Variants in MAGI1 observed in about 807,000 individuals in gnomAD.
MAGI1 encodes the protein membrane associated guanylate kinase, WW and PDZ domain containing 1.
Under a neutral mutation model 139.9 loss-of-function variants are expected in MAGI1, and 58 were observed. The observed-to-expected ratio is 0.41, with a 90% CI of 0.34 to 0.52. The LOEUF is 0.52. Among genes scored for constraint, MAGI1 ranks in the 20% least tolerant of loss-of-function variants. MAGI1 has a pLI of 0.12. For synonymous variants in MAGI1, 812 were observed against 737.9 expected (o/e 1.10, Z -1.63); for missense variants, 1,874 against 1,901.6 (o/e 0.99, Z 0.27).
intron 1 of MAGI1, among the ~76,000 whole-genome samples, chr3:65,676,517 A>G (rs1444099484): frequency 2.0e-5 from 3 of 152,222 alleles, no homozygotes; most frequent in Non-Finnish European, 2.9e-5. Context: ...ATAAGGAAGA[A>G]AAACACTCCA....
rs1217821084 is a variant in MAGI1 at position 65,355,763 on chromosome 3, C to T, written c.*615G>A. On this transcript the variant is annotated 3_prime_UTR_variant, in exon 23 of 23. Transcript: ENST00000402939. The stretch of plus-strand genomic sequence containing the variant: ...ACCAACTATAACTCACAATATAAAA[C>T]TTCTTTGTGCTGCGCAGTTTAGCTA... The T allele has an allele frequency of 2.0e-5, 3 of 152,582 alleles. No homozygotes were observed. In the East Asian group the frequency reaches 5.8e-4, roughly 29 times the overall value. 9.5% of individuals were successfully genotyped at this position (152,582 alleles called of 1,614,324 possible). A position where few individuals can be genotyped will look rare whatever the true frequency, so the allele number is the denominator to read the frequency against.
chr3:65,365,162 C>T (rs1409523184), intron 18 of MAGI1: 1 of 731,554 alleles, frequency 1.4e-6, no homozygotes, highest in South Asian at 1.4e-5. Context: ...ACCCTCCTCC[C>T]AAACAGACAT....
At chr3:65,959,610 A>T (rs1047070863) in intron 1 of MAGI1, among the ~76,000 whole-genome samples, 4 of 133,914 alleles carry the variant, frequency 3.0e-5, no homozygotes, top group South Asian at 2.3e-4. Context: ...TTTTATTATT[A>T]TTATTATTAT....
intron 1 of MAGI1, among the ~76,000 whole-genome samples, chr3:65,897,138 ATATT>A (rs1272103662): frequency 2.0e-5 from 3 of 152,204 alleles, no homozygotes; most frequent in Non-Finnish European, 2.9e-5. Flanking sequence ...TATTTGTACT[ATATT>A]TAGTACATCA....
intron 1 of MAGI1, among the ~76,000 whole-genome samples, chr3:65,906,098 G>A (rs927740052): frequency 1.3e-5 from 2 of 152,162 alleles, no homozygotes; most frequent in African/African-American, 4.8e-5. Context: ...GCAGAAGTGT[G>A]TCATTCTTCT....
chr3:65,615,836 T>A (rs995582265), intron 2 of MAGI1, among the ~76,000 whole-genome samples: 3 of 152,182 alleles, frequency 2.0e-5, no homozygotes, highest in Non-Finnish European at 4.4e-5. Flanking sequence ...GAAACATAAA[T>A]CATAGCTCAC....
At chr3:65,719,628 C>T (rs186850618) in intron 1 of MAGI1, among the ~76,000 whole-genome samples, 350 of 151,940 alleles carry the variant, frequency 2.3e-3, no homozygotes, top group African/African-American at 8.1e-3. Flanking sequence ...TCACTGCAGC[C>T]TCAACCTCTC....
intron 2 of MAGI1, among the ~76,000 whole-genome samples, chr3:65,586,051 T>A (rs563624031): frequency 6.6e-6 from 1 of 152,072 alleles, no homozygotes; most frequent in East Asian, 1.9e-4. Flanking sequence ...GTACAAAAAA[T>A]TTAAAAAATT....
At chr3:65,820,168 A>G (rs1328682616) in intron 1 of MAGI1, among the ~76,000 whole-genome samples, 1 of 151,302 alleles carries the variant, frequency 6.6e-6, no homozygotes, top group African/African-American at 2.4e-5. Flanking sequence ...TCAAAGTGAG[A>G]AAAAAAAACT....
intron 1 of MAGI1, among the ~76,000 whole-genome samples, chr3:66,000,133 C>T (rs1273870701): frequency 2.6e-5 from 4 of 151,878 alleles, no homozygotes; most frequent in African/African-American, 7.3e-5. Flanking sequence ...CTACCATGCC[C>T]GGCTAATTTT....
At chr3:66,010,849 A>G (rs1390119500) in intron 1 of MAGI1, among the ~76,000 whole-genome samples, 2 of 152,224 alleles carry the variant, frequency 1.3e-5, no homozygotes, top group African/African-American at 4.8e-5. Context: ...CAGTGATAAA[A>G]GCATAGAGCA....
intron 2 of MAGI1, among the ~76,000 whole-genome samples, chr3:65,576,402 A>C (rs1418900409): frequency 6.6e-6 from 1 of 152,280 alleles, no homozygotes; most frequent in Non-Finnish European, 1.5e-5. Flanking sequence ...GACAATGCTA[A>C]TCAATCCCCG....
intron 2 of MAGI1, among the ~76,000 whole-genome samples, chr3:65,495,825 G>C (rs183840626): frequency 2.0e-5 from 3 of 152,198 alleles, no homozygotes; most frequent in African/African-American, 7.2e-5. Context: ...CAGGCAGAGG[G>C]AAGGGAAAAG....
At chr3:65,461,921 T>C (rs1373041714) in intron 5 of MAGI1, among the ~76,000 whole-genome samples, 1 of 152,224 alleles carries the variant, frequency 6.6e-6, no homozygotes, top group African/African-American at 2.4e-5. Flanking sequence ...CATAAATGTC[T>C]TCTTTTGAAA....
At chr3:65,433,853 G>A (rs1376648842) in intron 10 of MAGI1, among the ~76,000 whole-genome samples, 2 of 152,086 alleles carry the variant, frequency 1.3e-5, no homozygotes, top group African/African-American at 2.4e-5. Flanking sequence ...GACCAGTACC[G>A]TCTAATGGCA....
intron 1 of MAGI1, among the ~76,000 whole-genome samples, chr3:65,922,186 C>CA (rs1427231802): frequency 3.9e-5 from 6 of 152,020 alleles, no homozygotes; most frequent in Admixed American, 2.6e-4. Context: ...AGGTCACACA[C>CA]AAAAATACAG....
chr3:65,945,482 T>C (rs2063505667), intron 1 of MAGI1, among the ~76,000 whole-genome samples: 1 of 152,154 alleles, frequency 6.6e-6, no homozygotes. Context: ...TCTGTACTTT[T>C]ATATTTGAGT....
At chr3:65,606,855 A>G (rs909454717) in intron 2 of MAGI1, among the ~76,000 whole-genome samples, 7 of 151,988 alleles carry the variant, frequency 4.6e-5, no homozygotes, top group Admixed American at 4.6e-4. Flanking sequence ...ATGGGTTTTC[A>G]CCATGTTGCT....
At chr3:65,407,818 C>A (rs1323946025) in intron 12 of MAGI1, among the ~76,000 whole-genome samples, 1 of 152,170 alleles carries the variant, frequency 6.6e-6, no homozygotes, top group African/African-American at 2.4e-5. Flanking sequence ...TAATCATCAA[C>A]AGGATCAGTA....
Sources: gnomAD v4.1 joint callset for allele counts (sites outside exome capture counted in the v4.1 genomes callset) on GRCh38, gnomAD v4.1.1 for gene constraint, MANE v1.5 for transcripts, NCBI Gene and HGNC (gene_info 2026-07-23, HGNC 2026-07-21) for gene names.